ZFAND3: variants seen among roughly 807,000 people sequenced by gnomAD.
The protein encoded by ZFAND3 is zinc finger AN1-type containing 3.
ZFAND3 carries 10 observed loss-of-function variants against 29.6 expected under a neutral mutation model. The ratio of observed to expected loss-of-function variants is 0.34; its 90% CI spans 0.21 to 0.57. The LOEUF is 0.57. ZFAND3 is among the 20% of genes least tolerant of loss of function. The pLI is 0.86. For synonymous variants in ZFAND3, 128 were observed against 112.6 expected, an observed-to-expected ratio of 1.14 and a Z score of -0.87; for missense variants, 230 against 304.5, an observed-to-expected ratio of 0.76 and a Z score of 1.82.
chr6:38,047,325 A>AAAAAG (rs1554169613), intron 2 of ZFAND3, among the ~76,000 whole-genome samples: 5 of 151,622 alleles, frequency 3.3e-5, no homozygotes, highest in African/African-American at 1.2e-4. Flanking sequence ...AAAAAAAAAA[A>AAAAAG]AAAGAAAAGA....
At chr6:38,051,932 C>T (rs548306257) in intron 2 of ZFAND3, among the ~76,000 whole-genome samples, 1 of 152,290 alleles carries the variant, frequency 6.6e-6, no homozygotes, top group African/African-American at 2.4e-5. Context: ...ACAGGGAAAA[C>T]TGTATAGTCT....
intron 2 of ZFAND3, among the ~76,000 whole-genome samples, chr6:37,931,401 T>G (rs1406412918): frequency 6.6e-6 from 1 of 151,980 alleles, no homozygotes; most frequent in East Asian, 1.9e-4. Flanking sequence ...TAAAATTAGC[T>G]GGATGTGGTG....
intron 1 of ZFAND3, among the ~76,000 whole-genome samples, chr6:37,904,636 A>G (rs1361291997): frequency 2.6e-5 from 4 of 152,178 alleles, no homozygotes; most frequent in Non-Finnish European, 4.4e-5. Flanking sequence ...GAATTATATA[A>G]TGACCTAGGG....
intron 2 of ZFAND3, among the ~76,000 whole-genome samples, chr6:37,962,763 A>G (rs1307856728): frequency 6.6e-6 from 1 of 152,064 alleles, no homozygotes. Flanking sequence ...AGCAAGGGCA[A>G]CCCTCTCGGG....
At chr6:38,059,874 T>C (rs1310936584) in intron 2 of ZFAND3, among the ~76,000 whole-genome samples, 1 of 152,162 alleles carries the variant, frequency 6.6e-6, no homozygotes, top group Admixed American at 6.5e-5. Flanking sequence ...AGACTCTGTC[T>C]CAAGAAAAAA....
At chr6:37,970,382 A>G (rs1002869340) in intron 2 of ZFAND3, among the ~76,000 whole-genome samples, 3 of 152,170 alleles carry the variant, frequency 2.0e-5, no homozygotes, top group African/African-American at 7.2e-5. Context: ...AAGTCACAAA[A>G]GATTTTGCAT....
At chr6:38,037,271 A>G (rs927986998) in intron 2 of ZFAND3, among the ~76,000 whole-genome samples, 2 of 152,216 alleles carry the variant, frequency 1.3e-5, no homozygotes, top group Admixed American at 1.3e-4. Flanking sequence ...GTGTTATTTG[A>G]GTGACAACCA....
At position 37,936,489 on chromosome 6, in the gene ZFAND3, G is replaced by A. The variant is rs184012170; in HGVS notation, c.112+6490G>A. ...ACAGTGTTCAGAATACCACTTGGTC[G>A]GTGGACTTTTAAATGTGTGCATACT... On this transcript the variant is annotated intron_variant, in intron 2 of 5. Coordinates refer to ENST00000287218, the MANE Select transcript of ZFAND3 (RefSeq NM_021943.3). 3.9e-5 allele frequency among the ~76,000 whole-genome samples: 6 copies of A among 152,266 alleles called. No individual in the cohort carries two copies. The East Asian group carries it at 7.7e-4, about 20-fold the overall frequency.
chr6:38,049,949 T>TA (rs1763989100), intron 2 of ZFAND3, among the ~76,000 whole-genome samples: 1 of 7,408 alleles, frequency 1.3e-4, no homozygotes, highest in African/African-American at 1.8e-4. Flanking sequence ...CAATTAATTT[T>TA]TTTTTTTTTT....
intron 4 of ZFAND3, among the ~76,000 whole-genome samples, chr6:38,089,640 GT>G (rs1206744250): frequency 6.6e-6 from 1 of 152,188 alleles, no homozygotes; most frequent in African/African-American, 2.4e-5. Context: ...GAAGCTAAAG[GT>G]GTTGGTATTA....
At chr6:37,973,397 T>C (rs1031094233) in intron 2 of ZFAND3, among the ~76,000 whole-genome samples, 10 of 152,198 alleles carry the variant, frequency 6.6e-5, no homozygotes, top group African/African-American at 2.4e-4. Context: ...TCTGAAGAAC[T>C]AAAGAGTTGT....
intron 4 of ZFAND3, among the ~76,000 whole-genome samples, chr6:38,091,208 G>A (rs1764861454): frequency 6.6e-6 from 1 of 152,110 alleles, no homozygotes; most frequent in Non-Finnish European, 1.5e-5. Context: ...TGTGTAAGAA[G>A]TCCAGGCTTT....
intron 1 of ZFAND3, among the ~76,000 whole-genome samples, chr6:37,884,354 C>T (rs1581733264): frequency 7.0e-6 from 1 of 143,032 alleles, no homozygotes; most frequent in Admixed American, 6.8e-5. Flanking sequence ...ATTAGCCAGG[C>T]GTGGTGGCGC....
chr6:37,914,541 G>T (rs1283079560), intron 1 of ZFAND3, among the ~76,000 whole-genome samples: 3 of 152,126 alleles, frequency 2.0e-5, no homozygotes, highest in Non-Finnish European at 4.4e-5. Flanking sequence ...GTTTTGCCAT[G>T]TTGGCCAGGC....
rs1014256215 is a variant in ZFAND3, at chr6:37,933,546, A to G, written c.112+3547A>G. 2.6e-4 allele frequency among the ~76,000 whole-genome samples: 39 copies of G among 152,244 alleles called. 1 individual carries two copies. Among genetic ancestry groups the G allele is most frequent in the African/African-American group, 6.0e-4 (25 of 41,460 alleles). Reference sequence around the variant, plus strand: ...AAGGAATAAGAAAGGAGAAATGAGTATATGCAGAGTGACAGTTGCTAAAAG... The same window carrying G: ...AAGGAATAAGAAAGGAGAAATGAGTGTATGCAGAGTGACAGTTGCTAAAAG... On this transcript the variant is annotated intron_variant, in intron 2 of 5. Coordinates refer to ENST00000287218, the MANE Select transcript of ZFAND3 (RefSeq NM_021943.3).
chr6:37,987,619 C>T (rs1257392930), intron 2 of ZFAND3, among the ~76,000 whole-genome samples: 1 of 152,200 alleles, frequency 6.6e-6, no homozygotes, highest in African/African-American at 2.4e-5. Flanking sequence ...AATACCCTGG[C>T]CCTGCCCCAG....
intron 5 of ZFAND3, among the ~76,000 whole-genome samples, chr6:38,132,992 GA>G (rs1178829394): frequency 2.6e-5 from 4 of 152,188 alleles, no homozygotes; most frequent in Admixed American, 2.6e-4. Flanking sequence ...AGAGACCACA[GA>G]ACTGATATTG....
chr6:38,018,172 C>T (rs1174586188), intron 2 of ZFAND3, among the ~76,000 whole-genome samples: 1 of 152,102 alleles, frequency 6.6e-6, no homozygotes, highest in Non-Finnish European at 1.5e-5. Context: ...ATAAAATGGT[C>T]ATTAGCCTCA....
At chr6:37,994,531 C>T (rs1762816083) in intron 2 of ZFAND3, among the ~76,000 whole-genome samples, 1 of 152,196 alleles carries the variant, frequency 6.6e-6, no homozygotes, top group Non-Finnish European at 1.5e-5. Flanking sequence ...GCAGTCTTAA[C>T]ATTTTTCATT....
Sources: allele counts gnomAD v4.1 joint callset (sites outside exome capture counted in the v4.1 genomes callset), GRCh38; gene constraint gnomAD v4.1.1; transcripts MANE v1.5; gene names NCBI Gene and HGNC (gene_info 2026-07-23, HGNC 2026-07-21).